EPHA6: variants seen among roughly 807,000 people sequenced by gnomAD.
The protein encoded by EPHA6 is EPH receptor A6, also known as ephrin type-A receptor 6.
In EPHA6, 50 loss-of-function variants were observed where a neutral mutation model predicts 112.0. The observed-to-expected ratio is 0.45, with a 90% CI of 0.36 to 0.56. The LOEUF (loss-of-function observed/expected upper bound fraction) is 0.56, where lower values mean the gene tolerates loss of function less well. Among genes scored for constraint, EPHA6 ranks in the 20% least tolerant of loss-of-function variants. The pLI is 0.00. For synonymous variants in EPHA6, 529 were observed against 490.7 expected, an observed-to-expected ratio of 1.08 and a Z score of -1.03; for missense variants, 1,280 against 1,417.4, an observed-to-expected ratio of 0.90 and a Z score of 1.56.
chr3:96,929,609 G>T (rs1479230624), intron 2 of EPHA6, among the ~76,000 whole-genome samples: 5 of 152,110 alleles, frequency 3.3e-5, no homozygotes, highest in African/African-American at 9.7e-5. Context: ...CGTCTGTTGG[G>T]CTTCCCTTTG....
intron 5 of EPHA6, among the ~76,000 whole-genome samples, chr3:97,386,955 A>G (rs1017238013): frequency 2.0e-5 from 3 of 152,226 alleles, no homozygotes; most frequent in African/African-American, 7.2e-5. Flanking sequence ...CACCCCCTGA[A>G]GCAATGGCCC....
At chr3:97,010,068 A>G in intron 3 of EPHA6, 2 of 1,293,678 alleles carry the variant, frequency 1.5e-6, no homozygotes, top group South Asian at 2.5e-5. Context: ...GTAACCTTTG[A>G]AGAATAAAAG....
intron 14 of EPHA6, among the ~76,000 whole-genome samples, chr3:97,693,748 C>A (rs1422804783): frequency 2.6e-5 from 4 of 152,122 alleles, no homozygotes; most frequent in African/African-American, 7.2e-5. Context: ...GCGGAGCTTG[C>A]AGTGAGCCGA....
intron 1 of EPHA6, among the ~76,000 whole-genome samples, chr3:96,826,752 A>T (rs1235161914): frequency 6.6e-6 from 1 of 152,078 alleles, no homozygotes; most frequent in African/African-American, 2.4e-5. Flanking sequence ...TGTTTATTAC[A>T]GTTTCAAAAA....
chr3:97,129,646 G>A (rs2048284787), intron 3 of EPHA6, among the ~76,000 whole-genome samples: 1 of 152,238 alleles, frequency 6.6e-6, no homozygotes, highest in Admixed American at 6.5e-5. Context: ...TATAGTAATA[G>A]GTGAAGGAAT....
intron 5 of EPHA6, among the ~76,000 whole-genome samples, chr3:97,388,734 A>T (rs918030259): frequency 1.3e-5 from 2 of 152,130 alleles, no homozygotes; most frequent in Non-Finnish European, 2.9e-5. Flanking sequence ...AGATAAAGGA[A>T]GTTTGGGGGA....
rs2044242087 is a variant in EPHA6, at chr3:97,015,740, A to C, written c.1114+27747A>C. Among the ~76,000 whole-genome samples, 4 of 152,178 alleles carry C rather than the reference A, an allele frequency of 2.6e-5. No homozygotes were observed. The South Asian group carries it at 8.3e-4, about 31-fold the overall frequency. ...ACAGCACTGGAGAGCGTGATTCCACATCCAGAAGACGCAGCTCCCCACATA... is the reference window on the plus strand; with the variant it reads ...ACAGCACTGGAGAGCGTGATTCCACCTCCAGAAGACGCAGCTCCCCACATA... On this transcript the variant is annotated intron_variant, in intron 3 of 17. Coordinates refer to ENST00000389672, the MANE Select transcript of EPHA6 (RefSeq NM_001080448.3).
At chr3:96,873,054 G>T (rs961053064) in intron 2 of EPHA6, among the ~76,000 whole-genome samples, 1 of 151,910 alleles carries the variant, frequency 6.6e-6, no homozygotes, top group African/African-American at 2.4e-5. Context: ...GATCACCTGA[G>T]GTCAGGAGTT....
At chr3:96,981,226 C>T (rs1027146061) in intron 2 of EPHA6, among the ~76,000 whole-genome samples, 20 of 152,222 alleles carry the variant, frequency 1.3e-4, no homozygotes, top group African/African-American at 4.8e-4. Context: ...TACGTCCCAT[C>T]AGTACCTAAT....
chr3:97,083,617 A>G (rs2046795309), intron 3 of EPHA6, among the ~76,000 whole-genome samples: 1 of 151,872 alleles, frequency 6.6e-6, no homozygotes, highest in African/African-American at 2.4e-5. Context: ...TCTACTCCGA[A>G]TCTTGTTTCT....
chr3:97,077,936 A>G (rs2046589078), intron 3 of EPHA6, among the ~76,000 whole-genome samples: 1 of 152,158 alleles, frequency 6.6e-6, no homozygotes, highest in Non-Finnish European at 1.5e-5. Flanking sequence ...GCCAAATGGT[A>G]TTTCTACCTC....
At chr3:96,878,321 A>AGG (rs1358032939) in intron 2 of EPHA6, among the ~76,000 whole-genome samples, 2 of 151,720 alleles carry the variant, frequency 1.3e-5, no homozygotes, top group African/African-American at 4.8e-5. Flanking sequence ...AGAGAGAGAG[A>AGG]GGGGGAGACA....
intron 10 of EPHA6, among the ~76,000 whole-genome samples, chr3:97,531,674 T>C (rs1055958935): frequency 2.0e-5 from 3 of 152,124 alleles, no homozygotes; most frequent in Non-Finnish European, 4.4e-5. Context: ...CCAAGTCTTA[T>C]ACTTCTTTGA....
intron 3 of EPHA6, among the ~76,000 whole-genome samples, chr3:97,212,775 T>A (rs1260719187): frequency 6.6e-6 from 1 of 152,218 alleles, no homozygotes; most frequent in Non-Finnish European, 1.5e-5. Flanking sequence ...TGCTTATTAA[T>A]GGCAACTTAC....
chr3:96,861,769 C>A (rs1456289158), intron 1 of EPHA6, among the ~76,000 whole-genome samples: 1 of 151,938 alleles, frequency 6.6e-6, no homozygotes, highest in Non-Finnish European at 1.5e-5. Flanking sequence ...GCTGTAAGTA[C>A]ACCTACTAAA....
chr3:97,717,042 C>G (rs568521523), intron 14 of EPHA6, among the ~76,000 whole-genome samples: 156 of 151,794 alleles, frequency 1.0e-3, no homozygotes, highest in African/African-American at 3.6e-3. Context: ...TCAGCCTGGC[C>G]GACATGGTGA....
At chr3:97,146,009 A>G (rs539867131) in intron 3 of EPHA6, among the ~76,000 whole-genome samples, 2 of 151,866 alleles carry the variant, frequency 1.3e-5, no homozygotes, top group African/African-American at 4.8e-5. Flanking sequence ...CAAATGACAT[A>G]CACACTGCCA....
chr3:97,598,496 A>G lies in EPHA6; in HGVS notation c.2512+5759A>G, dbSNP rs2093614175. Among the ~76,000 whole-genome samples, 5 of 140,058 alleles carry G rather than the reference A, an allele frequency of 3.6e-5. No homozygotes were observed. In the South Asian group the frequency reaches 7.0e-4, roughly 20 times the overall value. The allele number at this position is 140,058 out of a possible 152,430, so 91.9% of individuals were successfully genotyped here. On this transcript the variant is annotated intron_variant, in intron 12 of 17. Coordinates refer to ENST00000389672, the MANE Select transcript of EPHA6 (RefSeq NM_001080448.3). ...TGATCTCATTGTTCAATTCCCACCT[A>G]TGAGTGAGAATATGCGGTGTTTGGT...
chr3:96,902,164 T>G (rs1048725503), intron 2 of EPHA6, among the ~76,000 whole-genome samples: 6 of 152,156 alleles, frequency 3.9e-5, no homozygotes, highest in Non-Finnish European at 8.8e-5. Context: ...ATTTAACATC[T>G]TATGAAATTG....
Sources: gnomAD v4.1 joint callset for allele counts (sites outside exome capture counted in the v4.1 genomes callset) on GRCh38, gnomAD v4.1.1 for gene constraint, MANE v1.5 for transcripts, NCBI Gene and HGNC (gene_info 2026-07-23, HGNC 2026-07-21) for gene names.